Variants in IGSF6 observed in about 807,000 individuals in gnomAD.
IGSF6 encodes the protein immunoglobulin superfamily member 6, also known as down-regulated by activation (immunoglobulin superfamily).
IGSF6 carries 23 observed loss-of-function variants against 24.7 expected under a neutral mutation model. The observed-to-expected ratio is 0.93, with a 90% CI of 0.67 to 1.32. IGSF6 has a LOEUF of 1.32. IGSF6 is among the 40% of genes most tolerant of loss of function. The pLI is 0.00. For synonymous variants in IGSF6, 110 were observed against 113.7 expected (o/e 0.97, Z 0.21); for missense variants, 295 against 293.6 (o/e 1.00, Z -0.04).
Position 21,640,789 on chromosome 16 carries a change from A to G in IGSF6, c.*745T>C, listed in dbSNP as rs1470359335. 6.7e-6 allele frequency: 1 copy of G among 149,680 alleles called. No individual in the cohort carries two copies. The highest frequency in any genetic ancestry group is 6.6e-5 in the Admixed American group (1 of 15,082). 9.3% of individuals were successfully genotyped at this position (149,680 alleles called of 1,614,324 possible). A position where few individuals can be genotyped will look rare whatever the true frequency, so the allele number is the denominator to read the frequency against. The stretch of plus-strand genomic sequence containing the variant: ...CTCAAAAAAAAAAAAAAAAGAAAAG[A>G]AAAAAAATCAGTATTACAAACGTGC... On this transcript the variant is annotated 3_prime_UTR_variant, in exon 6 of 6. Transcript: ENST00000268389.
At position 21,647,309 on chromosome 16, in the gene IGSF6, T is replaced by G. The variant is rs1157355589; in HGVS notation, c.251A>C (p.Lys84Thr). The G allele has an allele frequency of 1.2e-6, 2 of 1,614,146 alleles. No individual in the cohort carries two copies. Among genetic ancestry groups the G allele is most frequent in the Non-Finnish European group, 1.7e-6 (2 of 1,180,016 alleles). ...QPENLCLDGC[K>T]SEADKFTVRE... is the part of the protein sequence containing the mutation. ...CACTGTGAACTTGTCTGCCTCACTTTTGCACCCGTCCAAGCACAGGTTCTC... is the reference window on the plus strand; with the variant it reads ...CACTGTGAACTTGTCTGCCTCACTTGTGCACCCGTCCAAGCACAGGTTCTC... Residue 84 changes from lysine (K) to threonine (T), a missense_variant, in exon 2 of 6, where the codon AAA becomes ACA. Coordinates refer to ENST00000268389, the MANE Select transcript of IGSF6 (RefSeq NM_005849.4).
At chr16:21,646,774 A>G (rs1425503347) in intron 2 of IGSF6, 6 of 324,454 alleles carry the variant, frequency 1.8e-5, no homozygotes, top group Admixed American at 8.5e-5. Context: ...TCCTGCCTCA[A>G]CCTCCCAAGC....
At position 21,643,396 on chromosome 16, in the gene IGSF6, A is replaced by G. The variant is rs961415225; in HGVS notation, c.585+152T>C. The G allele has an allele frequency of 3.7e-5, 23 of 627,770 alleles. No homozygotes were observed. The African/African-American group carries it at 3.9e-4, about 11-fold the overall frequency. 38.9% of individuals were successfully genotyped at this position (627,770 alleles called of 1,614,324 possible). A position where few individuals can be genotyped will look rare whatever the true frequency, so the allele number is the denominator to read the frequency against. On this transcript the variant is annotated intron_variant, in intron 4 of 5. Transcript: ENST00000268389. ...AGATTATTTTGTCATTGAGTTTCTC[A>G]ACAATAGGAAATAGTGTCTGCAGTT...
intron 1 of IGSF6, 80 bp from the exon 2 acceptor site, chr16:21,647,572 C>G (rs1966464634): frequency 6.7e-7 from 1 of 1,493,570 alleles, no homozygotes; most frequent in South Asian, 1.3e-5. Context: ...AGGTAGGAAA[C>G]CCAGCCATTC....
rs983383453 is a variant in IGSF6, at chr16:21,640,090, A to C, written c.*1444T>G. 7.2e-5 allele frequency: 11 copies of C among 152,076 alleles called. No individual in the cohort carries two copies. Among genetic ancestry groups the C allele is most frequent in the Admixed American group, 6.5e-4 (10 of 15,286 alleles). The allele number at this position is 152,076 out of a possible 1,614,324, so 9.4% of individuals were successfully genotyped here. Reference sequence around the variant, plus strand: ...ATAGCTGGGATTACAGGTGTGTGCCACCAAACCCCGCTAAATTTTTTTGTA... The same window carrying C: ...ATAGCTGGGATTACAGGTGTGTGCCCCCAAACCCCGCTAAATTTTTTTGTA... On this transcript the variant is annotated 3_prime_UTR_variant, in exon 6 of 6. Transcript: ENST00000268389.
rs578088647 is a variant in IGSF6, at chr16:21,643,457, T to A, written c.585+91A>T. ...TTGATATTCTGTTTAAACTTAACAT[T>A]TAAATATTTAAAAGCTAAAAAATAT... is the stretch of plus-strand genomic sequence containing the variant. On this transcript the variant is annotated intron_variant, in intron 4 of 5. Coordinates refer to ENST00000268389, the MANE Select transcript of IGSF6 (RefSeq NM_005849.4). 1.8e-5 allele frequency: 15 copies of A among 822,580 alleles called. No homozygotes were observed. In the African/African-American group the frequency reaches 2.4e-4, roughly 13 times the overall value. 51.0% of individuals were successfully genotyped at this position (822,580 alleles called of 1,614,324 possible).
At chr16:21,648,830 C>T (rs1028822731) in intron 1 of IGSF6, among the ~76,000 whole-genome samples, 2 of 152,190 alleles carry the variant, frequency 1.3e-5, no homozygotes, top group Admixed American at 1.3e-4. Context: ...GTAAATGAAA[C>T]TGAAAAGTCA....
rs1211902250 is a variant in IGSF6 at position 21,643,603 on chromosome 16, CAAG to C, written c.535-8_535-6del. On this transcript the variant is annotated splice_region_variant and splice_polypyrimidine_tract_variant and intron_variant, in intron 3 of 5. Transcript: ENST00000268389. ...TCTTAGAGGGTTGGATTTTGACTGCCAAGAAGAGAAGGAAAGTCTATGAAACAT... is the reference window on the plus strand; with the variant it reads ...TCTTAGAGGGTTGGATTTTGACTGCCAAGAGAAGGAAAGTCTATGAAACAT... 6.2e-7 allele frequency: 1 copy of C among 1,600,722 alleles called. No homozygotes were observed. The highest frequency in any genetic ancestry group is 8.5e-7 in the Non-Finnish European group (1 of 1,169,868).
intron 3 of IGSF6, 69 bp downstream of exon 3, chr16:21,644,221 T>G (rs534135904): frequency 5.3e-6 from 6 of 1,134,866 alleles, no homozygotes; most frequent in Admixed American, 1.8e-5. Context: ...TGTGGAGAGA[T>G]AGAAATTATT....
Position 21,639,674 on chromosome 16 carries a change from AAC to A in IGSF6, c.*1858_*1859del, listed in dbSNP as rs893630882. 51 of 152,206 alleles carry A rather than the reference AAC, an allele frequency of 3.4e-4. No homozygotes were observed. The highest frequency in any genetic ancestry group is 1.2e-3 in the African/African-American group (50 of 41,452). The allele number at this position is 152,206 out of a possible 1,614,324, so 9.4% of individuals were successfully genotyped here. On this transcript the variant is annotated 3_prime_UTR_variant, in exon 6 of 6. Coordinates refer to ENST00000268389, the MANE Select transcript of IGSF6 (RefSeq NM_005849.4). ...ATTTTCATGCATATACCGTATACAA[AAC>A]ACATGTGGCCCCACACATATACACA...
rs1418254597 is a variant in IGSF6 at position 21,640,177 on chromosome 16, A to C, written c.*1357T>G. The stretch of plus-strand genomic sequence containing the variant: ...CTGGTCTCGAACTCCTGATCTCATG[A>C]TTCACCTGCCTCAGCCTCCCAAAGT... On this transcript the variant is annotated 3_prime_UTR_variant, in exon 6 of 6. Coordinates refer to ENST00000268389, the MANE Select transcript of IGSF6 (RefSeq NM_005849.4). 1 of 151,770 alleles carries C rather than the reference A, an allele frequency of 6.6e-6. No individual in the cohort carries two copies. The highest frequency in any genetic ancestry group is 2.4e-5 in the African/African-American group (1 of 41,300). The allele number at this position is 151,770 out of a possible 1,614,324, so 9.4% of individuals were successfully genotyped here. A position where few individuals can be genotyped will look rare whatever the true frequency, so the allele number is the denominator to read the frequency against.
chr16:21,644,719 G>A (rs919069533), intron 2 of IGSF6, among the ~76,000 whole-genome samples: 2 of 152,194 alleles, frequency 1.3e-5, no homozygotes, highest in Non-Finnish European at 2.9e-5. Flanking sequence ...CAGACAGTTT[G>A]TTCAAGGGCA....
Position 21,647,398 on chromosome 16 carries a change from G to A in IGSF6, c.162C>T (p.Ser54=), listed in dbSNP as rs760122055. 20 of 1,613,940 alleles carry A rather than the reference G, an allele frequency of 1.2e-5. No individual in the cohort carries two copies. The Admixed American group carries it at 1.3e-4, about 11-fold the overall frequency. The change falls in exon 2 of 6, where the codon TCC becomes TCT. Residue 54 remains serine (S), a synonymous_variant. Coordinates refer to ENST00000268389, the MANE Select transcript of IGSF6 (RefSeq NM_005849.4). ...GTTGCTCAGAAGGGCATCCGGTTGC[G>A]GAGAAGGTACACTTTATGGTGACGG... ...HEAVTIKCTF[S]ATGCPSEQPT...
chr16:21,643,921 T>C (rs1308210590), intron 3 of IGSF6, among the ~76,000 whole-genome samples: 10 of 152,164 alleles, frequency 6.6e-5, no homozygotes, highest in African/African-American at 1.7e-4. Context: ...CATCAACCCA[T>C]TTTTGTTCTT....
chr16:21,649,472 T>C (rs1966513386), intron 1 of IGSF6, among the ~76,000 whole-genome samples: 1 of 152,090 alleles, frequency 6.6e-6, no homozygotes, highest in South Asian at 2.1e-4. Context: ...GCCAAGGGGA[T>C]TGGATTCCCT....
intron 2 of IGSF6, chr16:21,646,326 C>T (rs1490180340): frequency 1.3e-5 from 2 of 152,108 alleles, no homozygotes; most frequent in East Asian, 3.8e-4. Flanking sequence ...CACTGATGTC[C>T]AGGCAGAATG....
chr16:21,651,208 G>A (rs1966566449), intron 1 of IGSF6, among the ~76,000 whole-genome samples: 1 of 152,180 alleles, frequency 6.6e-6, no homozygotes, highest in South Asian at 2.1e-4. Flanking sequence ...GGGTGACAGA[G>A]CGAGACTCCG....
At chr16:21,646,995 G>T in intron 2 of IGSF6, 138 bp downstream of exon 2, 1 of 1,164,782 alleles carries the variant, frequency 8.6e-7, no homozygotes, top group Non-Finnish European at 1.3e-6. Flanking sequence ...GGTGACTTGT[G>T]TTCAGATCAC....
chr16:21,643,278 A>G, intron 4 of IGSF6, 124 bp from the exon 5 acceptor site: 2 of 711,280 alleles, frequency 2.8e-6, no homozygotes, highest in Non-Finnish European at 4.9e-6. Context: ...CCCCCAACAC[A>G]TATGTGCCTA....
Sources: allele counts gnomAD v4.1 joint callset (sites outside exome capture counted in the v4.1 genomes callset), GRCh38; gene constraint gnomAD v4.1.1; transcripts MANE v1.5; gene names NCBI Gene and HGNC (gene_info 2026-07-23, HGNC 2026-07-21).